TENM3: variants seen among roughly 807,000 people sequenced by gnomAD.
The protein encoded by TENM3 is teneurin-3.
Under a neutral mutation model 255.1 loss-of-function variants are expected in TENM3, and 63 were observed. The ratio of observed to expected loss-of-function variants is 0.25; its 90% CI spans 0.20 to 0.30. The LOEUF (loss-of-function observed/expected upper bound fraction) is 0.30. TENM3 is among the 10% of genes least tolerant of loss of function. The pLI is 1.00. For missense variants in TENM3, 2,929 were observed against 3,461.1 expected, an observed-to-expected ratio of 0.85 and a Z score of 3.86; for synonymous variants, 1,306 against 1,322.3, an observed-to-expected ratio of 0.99 and a Z score of 0.27.
the TENM3 span, among the ~76,000 whole-genome samples, chr4:181,999,136 T>C: frequency 6.6e-6 from 1 of 152,282 alleles, no homozygotes; most frequent in East Asian, 1.9e-4. Flanking sequence ...TGCCAGATTT[T>C]CCTGGCACCA....
intron 1 of TENM3, among the ~76,000 whole-genome samples, chr4:182,244,402 A>C (rs1757512967): frequency 6.6e-6 from 1 of 152,230 alleles, no homozygotes; most frequent in South Asian, 2.1e-4. Flanking sequence ...TATTGGAACC[A>C]GCCATACATG....
chr4:182,510,913 CA>C (rs1332544805), intron 3 of TENM3, among the ~76,000 whole-genome samples: 2 of 152,174 alleles, frequency 1.3e-5, no homozygotes, highest in African/African-American at 4.8e-5. Context: ...GCTCTTTACC[CA>C]GGAGATTTCT....
intron 1 of TENM3, among the ~76,000 whole-genome samples, chr4:182,254,303 C>G (rs2150129795): frequency 6.6e-6 from 1 of 150,776 alleles, no homozygotes; most frequent in African/African-American, 2.5e-5. Flanking sequence ...CCCACATTCT[C>G]TCCCTTTTTT....
upstream of TENM3, among the ~76,000 whole-genome samples, chr4:182,139,834 G>A (rs1326609801): frequency 1.3e-5 from 2 of 152,196 alleles, no homozygotes; most frequent in African/African-American, 4.8e-5. Context: ...CGTAAGGCCC[G>A]GTTTACACCA....
chr4:181,781,033 T>C, the TENM3 span, among the ~76,000 whole-genome samples: 1 of 152,172 alleles, frequency 6.6e-6, no homozygotes, highest in Admixed American at 6.6e-5. Flanking sequence ...AGCCTTGTAG[T>C]GTAGTTTGAA....
At chr4:182,368,687 T>C (rs1766589506) in intron 3 of TENM3, among the ~76,000 whole-genome samples, 1 of 152,160 alleles carries the variant, frequency 6.6e-6, no homozygotes. Context: ...TAAAAACCGA[T>C]GTAAAGGGAT....
At chr4:181,539,808 A>T in the TENM3 span, among the ~76,000 whole-genome samples, 1 of 152,194 alleles carries the variant, frequency 6.6e-6, no homozygotes, top group East Asian at 1.9e-4. Context: ...TATATGATGA[A>T]ATTATTCCTA....
At chr4:181,545,617 A>C in the TENM3 span, among the ~76,000 whole-genome samples, 2 of 152,208 alleles carry the variant, frequency 1.3e-5, no homozygotes, top group Non-Finnish European at 2.9e-5. Context: ...GTATTATGAG[A>C]CAAGGTCTAA....
At chr4:182,687,911 G>T (rs1290354594) in intron 11 of TENM3, among the ~76,000 whole-genome samples, 2 of 152,084 alleles carry the variant, frequency 1.3e-5, no homozygotes, top group Non-Finnish European at 2.9e-5. Flanking sequence ...TCTAACAATT[G>T]TCATGTGTAT....
the TENM3 span, among the ~76,000 whole-genome samples, chr4:181,474,803 T>C: frequency 6.6e-6 from 1 of 151,922 alleles, no homozygotes; most frequent in Non-Finnish European, 1.5e-5. Flanking sequence ...TTTTCCTTCT[T>C]ATGTGGAGAC....
intron 3 of TENM3, among the ~76,000 whole-genome samples, chr4:182,434,262 C>A (rs1224311062): frequency 1.3e-5 from 2 of 152,108 alleles, no homozygotes; most frequent in East Asian, 3.9e-4. Context: ...ATGGTGATAA[C>A]CTTGAGAAAA....
the TENM3 span, among the ~76,000 whole-genome samples, chr4:182,071,449 C>CTTT: frequency 8.6e-5 from 12 of 139,484 alleles, no homozygotes; most frequent in African/African-American, 2.1e-4. Context: ...TTTTTCTTTT[C>CTTT]TTTTTTTTTT....
chr4:182,252,789 G>T (rs975147862), intron 1 of TENM3, among the ~76,000 whole-genome samples: 4 of 144,558 alleles, frequency 2.8e-5, no homozygotes, highest in African/African-American at 9.9e-5. Flanking sequence ...TCCGTTAAGT[G>T]CCAGGAGCTT....
At chr4:181,596,472 G>A in the TENM3 span, among the ~76,000 whole-genome samples, 3 of 152,082 alleles carry the variant, frequency 2.0e-5, no homozygotes, top group South Asian at 2.1e-4. Flanking sequence ...TTGAGTAGCC[G>A]CCTCCAGGTC....
chr4:182,224,210 GT>G (rs1756009334), intron 1 of TENM3, among the ~76,000 whole-genome samples: 1 of 152,130 alleles, frequency 6.6e-6, no homozygotes, highest in Admixed American at 6.5e-5. Flanking sequence ...CCTTTAATTA[GT>G]GTATCCGTTC....
the TENM3 span, among the ~76,000 whole-genome samples, chr4:182,061,649 C>T: frequency 6.6e-6 from 1 of 152,058 alleles, no homozygotes; most frequent in African/African-American, 2.4e-5. Flanking sequence ...AATTAAGCGT[C>T]ACACAAAGTA....
the TENM3 span, among the ~76,000 whole-genome samples, chr4:181,995,137 A>T: frequency 2.0e-5 from 3 of 152,050 alleles, no homozygotes; most frequent in African/African-American, 7.2e-5. Flanking sequence ...AAAAGTACAG[A>T]AAATTAGCTG....
At chr4:182,100,624 C>CATATATAT in the TENM3 span, among the ~76,000 whole-genome samples, 1 of 52,982 alleles carries the variant, frequency 1.9e-5, no homozygotes, top group Non-Finnish European at 4.3e-5. Flanking sequence ...TATATATACA[C>CATATATAT]ACACATATAT....
the TENM3 span, among the ~76,000 whole-genome samples, chr4:181,610,315 G>C: frequency 1.3e-5 from 2 of 152,144 alleles, no homozygotes; most frequent in Admixed American, 1.3e-4. Context: ...TTTGTGAGGC[G>C]TGTATAAGAT....
Sources: allele counts gnomAD v4.1 joint callset (sites outside exome capture counted in the v4.1 genomes callset), GRCh38; gene constraint gnomAD v4.1.1; transcripts MANE v1.5; gene names NCBI Gene and HGNC (gene_info 2026-07-23, HGNC 2026-07-21).